The following FGF14 variants were observed in gnomAD, a reference collection of about 807,000 sequenced individuals.
FGF14 encodes fibroblast growth factor 14.
FGF14 carries 5 observed loss-of-function variants against 25.5 expected under a neutral mutation model. The observed-to-expected ratio is 0.20, with a 90% CI of 0.10 to 0.41. The LOEUF is 0.41. FGF14 is among the 10% of genes least tolerant of loss of function. The pLI, the probability that FGF14 is intolerant of heterozygous loss-of-function variation, is 1.00. For synonymous variants in FGF14, 138 were observed against 118.3 expected, an observed-to-expected ratio of 1.17 and a Z score of -1.08; for missense variants, 222 against 320.1, an observed-to-expected ratio of 0.69 and a Z score of 2.34.
intron 1 of FGF14, among the ~76,000 whole-genome samples, chr13:102,112,201 A>G (rs1352589896): frequency 6.6e-6 from 1 of 152,222 alleles, no homozygotes; most frequent in Non-Finnish European, 1.5e-5. Flanking sequence ...GTGGTGAGGT[A>G]ATCTGACCCA....
At chr13:102,265,090 A>G (rs2052922110) in intron 1 of FGF14, among the ~76,000 whole-genome samples, 1 of 152,144 alleles carries the variant, frequency 6.6e-6, no homozygotes. Context: ...ATTCATAACC[A>G]AAAAACAATT....
intron 1 of FGF14, among the ~76,000 whole-genome samples, chr13:102,146,283 G>A (rs988984086): frequency 1.3e-5 from 2 of 152,174 alleles, no homozygotes; most frequent in African/African-American, 4.8e-5. Flanking sequence ...AGCTGATGAA[G>A]GTCAGTGTTG....
rs1439295669 is a variant in FGF14, at chr13:102,086,388, G to C, written c.209-211092C>G. On this transcript the variant is annotated intron_variant, in intron 1 of 4. Coordinates refer to the FGF14 transcript ENST00000376131. The stretch of plus-strand genomic sequence containing the variant: ...TACTAAAAATACAAAATATTAGCCG[G>C]GCGTGGTGGCGGGCGCATGTAGTCC... Among the ~76,000 whole-genome samples, 4 of 152,090 alleles carry C rather than the reference G, an allele frequency of 2.6e-5. No homozygotes were observed. The East Asian group carries it at 5.8e-4, about 22-fold the overall frequency.
At chr13:102,396,179 G>A (rs1217961990) in intron 1 of FGF14, among the ~76,000 whole-genome samples, 10 of 152,186 alleles carry the variant, frequency 6.6e-5, no homozygotes, top group Non-Finnish European at 5.9e-5. Flanking sequence ...TGTGTAAATA[G>A]GTGTTTCCCT....
rs78392774 is a variant in FGF14, at chr13:102,309,723, T to G, written c.208+91748A>C. On this transcript the variant is annotated intron_variant, in intron 1 of 4. Transcript: ENST00000376131. The stretch of plus-strand genomic sequence containing the variant: ...TGCAAAGGATGAAGCAGCCACATAT[T>G]TATCCATCAAAGGGATTATATAAAT... Among the ~76,000 whole-genome samples the G allele has an allele frequency of 8.5e-3, 1,293 of 152,322 alleles. 16 individuals are homozygous for G. Among genetic ancestry groups the G allele is most frequent in the African/African-American group, 0.03 (1,231 of 41,570 alleles).
chr13:101,888,446 A>G (rs1218376424), intron 1 of FGF14, among the ~76,000 whole-genome samples: 1 of 151,862 alleles, frequency 6.6e-6, no homozygotes, highest in Non-Finnish European at 1.5e-5. Flanking sequence ...ATATACATGA[A>G]TGTGTGTGTG....
At chr13:102,295,896 C>A (rs989781850) in intron 1 of FGF14, among the ~76,000 whole-genome samples, 2 of 151,966 alleles carry the variant, frequency 1.3e-5, no homozygotes, top group East Asian at 1.9e-4. Context: ...GCAGAGATTG[C>A]GAAAATAGAT....
intron 1 of FGF14, among the ~76,000 whole-genome samples, chr13:102,377,068 C>G (rs2058057615): frequency 6.6e-6 from 1 of 151,710 alleles, no homozygotes; most frequent in Non-Finnish European, 1.5e-5. Flanking sequence ...TCAAGCTAGT[C>G]TTCAAATATC....
chr13:101,870,764 A>G (rs1005823892), intron 2 of FGF14, among the ~76,000 whole-genome samples: 6 of 151,730 alleles, frequency 4.0e-5, no homozygotes, highest in African/African-American at 1.5e-4. Flanking sequence ...GACCAGCCTG[A>G]CCAACATGGT....
chr13:101,931,759 A>G (rs2034766218), intron 1 of FGF14, among the ~76,000 whole-genome samples: 1 of 152,224 alleles, frequency 6.6e-6, no homozygotes, highest in Admixed American at 6.5e-5. Flanking sequence ...AGAAAATGGA[A>G]TAAGTACTTC....
intron 3 of FGF14, among the ~76,000 whole-genome samples, chr13:101,788,034 G>A (rs939912430): frequency 7.9e-5 from 12 of 152,044 alleles, no homozygotes; most frequent in Non-Finnish European, 1.3e-4. Context: ...ACTACGCCCA[G>A]CTAATTTTTG....
Position 101,888,998 on chromosome 13 carries a change from T to C in FGF14, c.194-13702A>G, listed in dbSNP as rs186273506. Among the ~76,000 whole-genome samples, 8 of 152,214 alleles carry C rather than the reference T, an allele frequency of 5.3e-5. No homozygotes were observed. In the East Asian group the frequency reaches 9.7e-4, roughly 18 times the overall value. ...TAGTCCAATAGGTCTGGTATCCTTA[T>C]GGAAGAGGAGATTAGGACCTCAGAC... is the stretch of plus-strand genomic sequence containing the variant. On this transcript the variant is annotated intron_variant, in intron 1 of 4. Coordinates refer to ENST00000376143, the MANE Select transcript of FGF14 (RefSeq NM_004115.4).
At chr13:102,083,090 G>A (rs1443389322) in intron 1 of FGF14, among the ~76,000 whole-genome samples, 1 of 152,176 alleles carries the variant, frequency 6.6e-6, no homozygotes, top group Non-Finnish European at 1.5e-5. Flanking sequence ...CAAGAAACCT[G>A]GAGTGTTCCT....
intron 3 of FGF14, among the ~76,000 whole-genome samples, chr13:101,809,330 T>C (rs1434047697): frequency 6.6e-6 from 1 of 152,146 alleles, no homozygotes; most frequent in Non-Finnish European, 1.5e-5. Flanking sequence ...TTTTTACCAA[T>C]GGCCAATAAC....
At chr13:102,273,719 C>A (rs1772721199) in intron 1 of FGF14, among the ~76,000 whole-genome samples, 1 of 151,936 alleles carries the variant, frequency 6.6e-6, no homozygotes, top group Non-Finnish European at 1.5e-5. Flanking sequence ...AATTTCTTTT[C>A]TCTTTCTACA....
chr13:102,102,639 A>T (rs2044714912), intron 1 of FGF14, among the ~76,000 whole-genome samples: 2 of 152,326 alleles, frequency 1.3e-5, no homozygotes, highest in South Asian at 4.1e-4. Flanking sequence ...CAGACAAGTC[A>T]GTGGGTGACA....
rs73583542 is a variant in FGF14 at position 102,163,941 on chromosome 13, C to T, written c.208+237530G>A. On this transcript the variant is annotated intron_variant, in intron 1 of 4. Coordinates refer to the FGF14 transcript ENST00000376131. ...GACATGAAAAAGAAATAGTGAAAAC[C>T]TAACTTAAAAATCTGATTCCCGTTG... Among the ~76,000 whole-genome samples the T allele has an allele frequency of 4.9e-3, 749 of 152,222 alleles. 8 individuals are homozygous for T. Among genetic ancestry groups the T allele is most frequent in the African/African-American group, 0.017 (708 of 41,538 alleles).
intron 3 of FGF14, among the ~76,000 whole-genome samples, chr13:101,787,851 G>A (rs758978619): frequency 7.9e-5 from 12 of 152,032 alleles, no homozygotes; most frequent in Admixed American, 3.3e-4. Flanking sequence ...GAAATGCCAG[G>A]CTGTTTTCAA....
intron 1 of FGF14, among the ~76,000 whole-genome samples, chr13:101,901,207 A>G (rs2031500237): frequency 6.6e-6 from 1 of 152,184 alleles, no homozygotes; most frequent in South Asian, 2.1e-4. Flanking sequence ...CTGAAAAAAA[A>G]AATATGGTGG....
Sources: allele counts gnomAD v4.1 joint callset (sites outside exome capture counted in the v4.1 genomes callset), GRCh38; gene constraint gnomAD v4.1.1; transcripts MANE v1.5; gene names NCBI Gene and HGNC (gene_info 2026-07-23, HGNC 2026-07-21).